Variants in CDH13 observed in about 807,000 individuals in gnomAD.
CDH13 encodes cadherin 13.
Under a neutral mutation model 63.8 loss-of-function variants are expected in CDH13, and 24 were observed. That is an observed-to-expected ratio of 0.38 (90% CI 0.27 to 0.53). The LOEUF (loss-of-function observed/expected upper bound fraction) is 0.53. Ranked by LOEUF, CDH13 falls within the 20% of genes least tolerant of loss-of-function variation. CDH13 has a pLI of 0.85. For synonymous variants in CDH13, 503 were observed against 355.3 expected (o/e 1.42, Z -4.67); for missense variants, 1,049 against 903.1 (o/e 1.16, Z -2.07).
At chr16:82,781,308 G>C (rs2035742999) in intron 1 of CDH13, among the ~76,000 whole-genome samples, 1 of 152,178 alleles carries the variant, frequency 6.6e-6, no homozygotes, top group African/African-American at 2.4e-5. Flanking sequence ...GGGAAATGCA[G>C]ACCACAAGGG....
At chr16:83,044,103 G>A (rs964848807) in intron 3 of CDH13, among the ~76,000 whole-genome samples, 2 of 152,112 alleles carry the variant, frequency 1.3e-5, no homozygotes, top group Admixed American at 1.3e-4. Context: ...ATTGCCTTTG[G>A]CCTTAGAGCC....
Position 83,032,184 on chromosome 16 carries a change from T to C in CDH13, c.332T>C (p.Ile111Thr), listed in dbSNP as rs945409195. The change falls in exon 3 of 14, where the codon ATT becomes ACT. Residue 111 changes from isoleucine to threonine, a missense_variant. Ile to Thr is a moderately conservative substitution (Grantham distance 89). Coordinates refer to ENST00000567109, the MANE Select transcript of CDH13 (RefSeq NM_001257.5). Reference protein sequence around the residue: ...PHAEDMAELVIVGGKDIQGSL... With the variant: ...PHAEDMAELVTVGGKDIQGSL... ...GCGGAAGATATGGCAGAACTCGTGA[T>C]TGTCGGGGGGAAAGACATCCAGGGC... The C allele has an allele frequency of 8.1e-6, 13 of 1,613,630 alleles. No homozygotes were observed. The highest frequency in any genetic ancestry group is 1.1e-5 in the Non-Finnish European group (13 of 1,179,710).
intron 6 of CDH13, among the ~76,000 whole-genome samples, chr16:83,458,741 G>T (rs1405205429): frequency 6.6e-6 from 1 of 152,126 alleles, no homozygotes; most frequent in African/African-American, 2.4e-5. Context: ...TCTCAGTCCT[G>T]TTGGATGAAT....
intron 1 of CDH13, among the ~76,000 whole-genome samples, chr16:82,767,472 T>G (rs2035098578): frequency 6.6e-6 from 1 of 152,246 alleles, no homozygotes; most frequent in Admixed American, 6.5e-5. Flanking sequence ...TGCACCGATG[T>G]GCTTTCTGAA....
At chr16:83,561,284 TA>T (rs35203238) in intron 7 of CDH13, among the ~76,000 whole-genome samples, 111 of 144,714 alleles carry the variant, frequency 7.7e-4, no homozygotes, top group Middle Eastern at 3.6e-3. Flanking sequence ...CCATCTCTAC[TA>T]AAAAAAAAAA....
intron 5 of CDH13, among the ~76,000 whole-genome samples, chr16:83,323,181 T>G (rs1353595211): frequency 1.6e-5 from 1 of 61,690 alleles, no homozygotes; most frequent in African/African-American, 6.8e-5. Context: ...CTTTTTTCTT[T>G]CTTTCTTTCT....
At chr16:83,657,012 C>G (rs753524469) in intron 8 of CDH13, among the ~76,000 whole-genome samples, 1 of 152,152 alleles carries the variant, frequency 6.6e-6, no homozygotes, top group African/African-American at 2.4e-5. Context: ...AAAACTTGCA[C>G]TTCAGGTACA....
At chr16:82,772,536 A>G (rs1357814547) in intron 1 of CDH13, among the ~76,000 whole-genome samples, 2 of 152,200 alleles carry the variant, frequency 1.3e-5, no homozygotes, top group African/African-American at 4.8e-5. Context: ...TGGCCTGGGT[A>G]TGAGACATGC....
intron 2 of CDH13, among the ~76,000 whole-genome samples, chr16:82,865,803 A>T (rs184350828): frequency 7.9e-5 from 12 of 152,298 alleles, no homozygotes; most frequent in South Asian, 2.1e-4. Context: ...CTCCCCAGAA[A>T]ATGTTTTTTT....
At chr16:83,521,945 A>G (rs952400596) in intron 7 of CDH13, among the ~76,000 whole-genome samples, 1 of 151,802 alleles carries the variant, frequency 6.6e-6, no homozygotes, top group Non-Finnish European at 1.5e-5. Flanking sequence ...TGCCCTTGAA[A>G]CACGTTGTTA....
intron 1 of CDH13, among the ~76,000 whole-genome samples, chr16:82,680,925 C>G (rs2150960450): frequency 6.6e-6 from 1 of 152,218 alleles, no homozygotes; most frequent in South Asian, 2.1e-4. Flanking sequence ...TCAGTAGCTC[C>G]CATGAGCCAA....
chr16:83,034,480 C>G (rs1202896949), intron 3 of CDH13, among the ~76,000 whole-genome samples: 1 of 152,192 alleles, frequency 6.6e-6, no homozygotes, highest in African/African-American at 2.4e-5. Context: ...TTTTCTCTTA[C>G]TTAGCCATGA....
intron 2 of CDH13, among the ~76,000 whole-genome samples, chr16:82,931,121 T>G (rs191197915): frequency 6.6e-6 from 1 of 152,352 alleles, no homozygotes; most frequent in African/African-American, 2.4e-5. Flanking sequence ...TGTGATTAGG[T>G]AATTACATGT....
intron 11 of CDH13, among the ~76,000 whole-genome samples, chr16:83,762,712 TTC>T (rs1373328255): frequency 6.6e-6 from 1 of 152,172 alleles, no homozygotes; most frequent in African/African-American, 2.4e-5. Context: ...CTGCTCAGAA[TTC>T]TCTGAGACTG....
intron 10 of CDH13, among the ~76,000 whole-genome samples, chr16:83,706,348 G>T (rs1326108941): frequency 2.0e-5 from 3 of 152,128 alleles, no homozygotes; most frequent in Non-Finnish European, 4.4e-5. Flanking sequence ...ATTCATGAAG[G>T]CCGTCATAAA....
chr16:82,745,270 C>G (rs959133209), intron 1 of CDH13, among the ~76,000 whole-genome samples: 3 of 152,146 alleles, frequency 2.0e-5, no homozygotes, highest in Admixed American at 6.5e-5. Context: ...GAAATCCAAG[C>G]TTCAGTAGCC....
At chr16:83,192,613 T>G (rs2038754003) in intron 4 of CDH13, among the ~76,000 whole-genome samples, 1 of 152,170 alleles carries the variant, frequency 6.6e-6, no homozygotes, top group African/African-American at 2.4e-5. Context: ...GTTGACTGTA[T>G]GAAAGTAGAT....
chr16:83,177,630 T>A (rs1035809050), intron 4 of CDH13, among the ~76,000 whole-genome samples: 4 of 152,190 alleles, frequency 2.6e-5, no homozygotes, highest in Admixed American at 2.6e-4. Context: ...GGACCATTAC[T>A]CTTGCCTCCA....
chr16:83,411,594 C>G (rs2092126910), intron 6 of CDH13, among the ~76,000 whole-genome samples: 2 of 152,132 alleles, frequency 1.3e-5, no homozygotes, highest in African/African-American at 4.8e-5. Context: ...TGGCACACAG[C>G]ACATGCTACT....
Sources: gnomAD v4.1 joint callset for allele counts (sites outside exome capture counted in the v4.1 genomes callset) on GRCh38, gnomAD v4.1.1 for gene constraint, MANE v1.5 for transcripts, NCBI Gene and HGNC (gene_info 2026-07-23, HGNC 2026-07-21) for gene names.